REPS2: variants seen among roughly 807,000 people sequenced by gnomAD.
REPS2 encodes the protein RALBP1 associated Eps domain containing 2.
Under a neutral mutation model 53.6 loss-of-function variants are expected in REPS2, and 23 were observed. The observed-to-expected ratio is 0.43, with a 90% CI of 0.31 to 0.61. The LOEUF is 0.61. Among genes scored for constraint, REPS2 ranks in the 20% least tolerant of loss-of-function variants. REPS2 has a pLI of 0.11. For missense variants in REPS2, 446 were observed against 534.9 expected (o/e 0.83, Z 1.64); for synonymous variants, 238 against 218.6 (o/e 1.09, Z -0.78).
intron 1 of REPS2, 94 bp downstream of exon 1, chrX:16,947,228 C>A (rs979803058): frequency 1.5e-4 from 136 of 921,869 alleles, no homozygotes; most frequent in Non-Finnish European, 1.6e-4. Context: ...CCCCCAGGGA[C>A]CCGGAGGCCT....
intron 3 of REPS2, among the ~76,000 whole-genome samples, chrX:17,023,113 TAA>T (rs894948689): frequency 8.9e-6 from 1 of 112,545 alleles, no homozygotes; most frequent in Non-Finnish European, 1.9e-5. Flanking sequence ...GTGTCTTCTA[TAA>T]GGTAAAGAAA....
intron 1 of REPS2, among the ~76,000 whole-genome samples, chrX:16,958,590 C>T (rs2060624630): frequency 1.8e-5 from 2 of 112,038 alleles, no homozygotes; most frequent in Non-Finnish European, 1.9e-5. Flanking sequence ...ACTCCCTCTA[C>T]AGGAACAATA....
At chrX:17,077,542 G>A (rs1471714787) in intron 13 of REPS2, 135 bp downstream of exon 13, 8 of 600,748 alleles carry the variant, frequency 1.3e-5, no homozygotes, top group Non-Finnish European at 2.0e-5. Flanking sequence ...GTCTTCACGT[G>A]GCTATGGTAT....
At chrX:17,189,916 C>T in the REPS2 span, among the ~76,000 whole-genome samples, 13 of 111,993 alleles carry the variant, frequency 1.2e-4, no homozygotes, top group African/African-American at 3.6e-4. Flanking sequence ...CAAGCTATGG[C>T]GGACAGGTAT....
chrX:17,049,278 C>T (rs756707337), intron 6 of REPS2, among the ~76,000 whole-genome samples: 23 of 112,149 alleles, frequency 2.1e-4, no homozygotes, highest in Admixed American at 3.8e-4. Flanking sequence ...CAGCCTCAGG[C>T]AGGAACTTCA....
intron 1 of REPS2, among the ~76,000 whole-genome samples, chrX:17,005,479 C>T (rs181119968): frequency 1.8e-5 from 2 of 111,616 alleles, no homozygotes; most frequent in Non-Finnish European, 1.9e-5. Flanking sequence ...CTCCCTTCCC[C>T]CTTTTATTTT....
At chrX:16,988,117 A>G (rs922537293) in intron 1 of REPS2, among the ~76,000 whole-genome samples, 1 of 110,832 alleles carries the variant, frequency 9.0e-6, no homozygotes, top group Non-Finnish European at 1.9e-5. Context: ...CTACAAAAGT[A>G]AAAATAAAAA....
the REPS2 span, among the ~76,000 whole-genome samples, chrX:17,189,347 G>A: frequency 5.6e-5 from 6 of 106,591 alleles, no homozygotes; most frequent in African/African-American, 2.1e-4. Flanking sequence ...GTGCAGTGGC[G>A]TGATCTCAGC....
chrX:17,071,299 G>C (rs2072108792), intron 11 of REPS2, among the ~76,000 whole-genome samples: 1 of 109,869 alleles, frequency 9.1e-6, no homozygotes, highest in Non-Finnish European at 1.9e-5. Context: ...AGTAAAAGCT[G>C]TTTAAATTTG....
chrX:17,068,529 T>A, intron 10 of REPS2, 58 bp downstream of exon 10: 1 of 961,908 alleles, frequency 1.0e-6, no homozygotes, highest in East Asian at 3.2e-5. Context: ...CCTTATCTAC[T>A]CCTCTTGGAA....
intron 12 of REPS2, among the ~76,000 whole-genome samples, chrX:17,075,797 CATT>C (rs2147989384): frequency 8.9e-6 from 1 of 112,777 alleles, no homozygotes; most frequent in African/African-American, 3.2e-5. Flanking sequence ...TTTACACACA[CATT>C]ATTTCTTTTT....
chrX:17,079,621 C>T (rs956781354), intron 13 of REPS2, among the ~76,000 whole-genome samples: 3 of 112,087 alleles, frequency 2.7e-5, no homozygotes, highest in Non-Finnish European at 5.6e-5. Context: ...TGATAATGCC[C>T]TGACGATCTC....
intron 5 of REPS2, among the ~76,000 whole-genome samples, chrX:17,036,835 A>G (rs753923174): frequency 1.7e-5 from 1 of 60,449 alleles, no homozygotes; most frequent in East Asian, 7.0e-4. Flanking sequence ...AGATAGATAG[A>G]GGGAGAGAGT....
At chrX:17,158,063 G>A (rs1365440547), downstream of REPS2, among the ~76,000 whole-genome samples, 5 of 111,195 alleles carry the variant, frequency 4.5e-5, no homozygotes, top group African/African-American at 1.3e-4. Context: ...TCAATATCTC[G>A]CCTCCCTCAT....
intron 1 of REPS2, among the ~76,000 whole-genome samples, chrX:16,951,440 G>A (rs1415172158): frequency 1.9e-5 from 2 of 107,356 alleles, no homozygotes; most frequent in East Asian, 3.0e-4. Flanking sequence ...GTCTGAGGTC[G>A]GAGGATTACT....
chrX:17,159,728 G>C, the REPS2 span, among the ~76,000 whole-genome samples: 1 of 111,323 alleles, frequency 9.0e-6, no homozygotes, highest in Non-Finnish European at 1.9e-5. Context: ...CTGTTGCCTG[G>C]TTACCTGTGA....
At chrX:17,188,241 A>G in the REPS2 span, among the ~76,000 whole-genome samples, 10 of 112,884 alleles carry the variant, frequency 8.9e-5, no homozygotes, top group Admixed American at 7.5e-4. Context: ...AGAAATTTTC[A>G]TGATTACTCC....
chrX:16,971,885 G>A lies in REPS2; in HGVS notation c.273+24751G>A, dbSNP rs954633241. On this transcript the variant is annotated intron_variant, in intron 1 of 17. Transcript: ENST00000357277. ...TGTCAGTATCACACTGTCTTGATTT[G>A]TTTAATCTATTTTTGAGGCAGACTT... 5.3e-5 allele frequency among the ~76,000 whole-genome samples: 6 copies of A among 112,311 alleles called. No homozygotes were observed. The Admixed American group carries it at 5.7e-4, about 11-fold the overall frequency.
At chrX:17,012,666 C>T (rs1296140008) in intron 2 of REPS2, among the ~76,000 whole-genome samples, 2 of 110,659 alleles carry the variant, frequency 1.8e-5, no homozygotes, top group East Asian at 2.8e-4. Flanking sequence ...GCTGTGTTCC[C>T]CAAACTGGTT....
Sources: allele counts gnomAD v4.1 joint callset (sites outside exome capture counted in the v4.1 genomes callset), GRCh38; gene constraint gnomAD v4.1.1; transcripts MANE v1.5; gene names NCBI Gene and HGNC (gene_info 2026-07-23, HGNC 2026-07-21).